The following PPFIA1 variants were observed in gnomAD, a reference collection of about 807,000 sequenced individuals.
PPFIA1 encodes the protein PPFI scaffold protein A1.
PPFIA1 carries 25 observed loss-of-function variants against 149.9 expected under a neutral mutation model. The observed-to-expected ratio is 0.17, with a 90% CI of 0.12 to 0.23. The LOEUF is 0.23. PPFIA1 is among the 10% of genes least tolerant of loss of function. The probability of loss-of-function intolerance (pLI) is 1.00; values close to 1 mark genes in which losing one functional copy is unlikely to be tolerated. For missense variants in PPFIA1, 1,362 were observed against 1,506.5 expected, an observed-to-expected ratio of 0.90 and a Z score of 1.59; for synonymous variants, 549 against 552.8, an observed-to-expected ratio of 0.99 and a Z score of 0.10.
At chr11:70,305,562 G>A (rs2052794207) in intron 2 of PPFIA1, among the ~76,000 whole-genome samples, 1 of 152,052 alleles carries the variant, frequency 6.6e-6, no homozygotes, top group African/African-American at 2.4e-5. Context: ...GTAGAGATGG[G>A]TTTTCACCCT....
chr11:70,349,610 T>C (rs773035735), intron 16 of PPFIA1, among the ~76,000 whole-genome samples: 1 of 152,234 alleles, frequency 6.6e-6, no homozygotes, highest in African/African-American at 2.4e-5. Context: ...TTTTTAGTTG[T>C]GTTGTTAGCC....
intron 19 of PPFIA1, among the ~76,000 whole-genome samples, chr11:70,361,617 A>T (rs2056648480): frequency 7.1e-6 from 1 of 140,306 alleles, no homozygotes; most frequent in Non-Finnish European, 1.6e-5. Flanking sequence ...GCTGGTTGTA[A>T]TTTTTTTTTT....
chr11:70,338,874 C>T (rs1262480930), intron 13 of PPFIA1, among the ~76,000 whole-genome samples: 2 of 152,214 alleles, frequency 1.3e-5, no homozygotes, highest in Non-Finnish European at 2.9e-5. Flanking sequence ...AGCCAGACAC[C>T]TGGACCCAGA....
chr11:70,316,162 C>A (rs546964070), intron 2 of PPFIA1, among the ~76,000 whole-genome samples: 1 of 152,108 alleles, frequency 6.6e-6, no homozygotes, highest in African/African-American at 2.4e-5. Context: ...GCCTCTGCCT[C>A]CCAGGTTCAA....
rs768982208 is a variant in PPFIA1 at position 70,362,087 on chromosome 11, C to A, written c.2583-8C>A. ...ATTCTTTAATTTTCAATATCTTCTCCTTTATAGGCATGAATTGCTGGAGGA... is the reference window on the plus strand; with the variant it reads ...ATTCTTTAATTTTCAATATCTTCTCATTTATAGGCATGAATTGCTGGAGGA... On this transcript the variant is annotated splice_polypyrimidine_tract_variant and splice_region_variant and intron_variant, in intron 19 of 27. Transcript: ENST00000253925. The A allele has an allele frequency of 6.2e-7, 1 of 1,613,230 alleles. No individual in the cohort carries two copies. The highest frequency in any genetic ancestry group is 8.5e-7 in the Non-Finnish European group (1 of 1,179,426).
intron 16 of PPFIA1, among the ~76,000 whole-genome samples, 173 bp downstream of exon 16, chr11:70,348,593 T>C (rs987652097): frequency 6.6e-6 from 1 of 152,248 alleles, no homozygotes; most frequent in Non-Finnish European, 1.5e-5. Flanking sequence ...AATTTTAATA[T>C]CTGGGGCCGG....
rs1212938971 is a variant in PPFIA1 at position 70,327,047 on chromosome 11, A to G, written c.930+229A>G. On this transcript the variant is annotated intron_variant, in intron 7 of 27. Coordinates refer to ENST00000253925, the MANE Select transcript of PPFIA1 (RefSeq NM_003626.5). Reference sequence around the variant, plus strand: ...CCTGAGCTCTTCAAAGTAGAGAACTAGTCCCACTGACTGACATGGCCATGA... The same window carrying G: ...CCTGAGCTCTTCAAAGTAGAGAACTGGTCCCACTGACTGACATGGCCATGA... 13 of 488,086 alleles carry G rather than the reference A, an allele frequency of 2.7e-5. No homozygotes were observed. The East Asian group carries it at 4.9e-4, about 18-fold the overall frequency. The allele number at this position is 488,086 out of a possible 1,614,324, so 30.2% of individuals were successfully genotyped here.
In PPFIA1 at chr11:70,326,338, A is replaced by G; in HGVS notation, c.683A>G (p.Glu228Gly). ...DGVLDINHEQ[E>G]NTPSTSGKRS... ...GTGCTGGACATAAACCATGAACAAG[A>G]AAATACACCAAGCACGAGTGGAAAG... The change falls in exon 6 of 28, where the codon GAA (glutamate) becomes GGA (glycine). Residue 228 changes from glutamate (E) to glycine (G), a missense_variant. Around this residue, in one of 7 missense-constraint regions of PPFIA1, gnomAD observed 733 missense variants for 744.1 expected, o/e 0.99. Transcript: ENST00000253925. The G allele has an allele frequency of 6.2e-7, 1 of 1,605,538 alleles. No homozygotes were observed. The highest frequency in any genetic ancestry group is 8.5e-7 in the Non-Finnish European group (1 of 1,173,360).
intron 2 of PPFIA1, among the ~76,000 whole-genome samples, chr11:70,309,278 T>C (rs1255097655): frequency 6.6e-6 from 1 of 152,154 alleles, no homozygotes; most frequent in Non-Finnish European, 1.5e-5. Flanking sequence ...CAAGCGATTC[T>C]CCTGCCTCAG....
chr11:70,286,984 TACACACAC>T (rs57213147), intron 2 of PPFIA1, among the ~76,000 whole-genome samples: 14 of 148,024 alleles, frequency 9.5e-5, no homozygotes, highest in East Asian at 5.9e-4. Context: ...TATATGCACA[TACACACAC>T]ACACACACAC....
In PPFIA1 at chr11:70,355,799, G is replaced by A. The variant is rs1399093824; in HGVS notation, c.2476G>A (p.Ala826Thr). The A allele has an allele frequency of 5.0e-6, 8 of 1,611,158 alleles. No individual in the cohort carries two copies. Among genetic ancestry groups the A allele is most frequent in the Non-Finnish European group, 2.5e-6 (3 of 1,179,130 alleles). Reference protein sequence around the residue: ...KGRPGQTGKEALGQAGVSETD... With the variant: ...KGRPGQTGKETLGQAGVSETD... ...CCGACCTGGACAAACTGGCAAAGAA[G>A]CATTAGGACAAGGTTGGTTGGTTTT... The change falls in exon 18 of 28, where the codon GCA (alanine) becomes ACA (threonine). Residue 826 changes from alanine (A) to threonine (T), a missense_variant. Physicochemically the swap from Ala to Thr is moderately conservative, Grantham distance 58. Around this residue, in one of 7 missense-constraint regions of PPFIA1, gnomAD observed 91 missense variants for 91.2 expected, o/e 1.00. Transcript: ENST00000253925.
At chr11:70,326,858 T>C (rs1052918490) in intron 7 of PPFIA1, 40 bp downstream of exon 7, 1 of 1,540,576 alleles carries the variant, frequency 6.5e-7, no homozygotes, top group East Asian at 2.3e-5. Context: ...CATGAAGTTG[T>C]ATGTTTGGGA....
intron 2 of PPFIA1, among the ~76,000 whole-genome samples, chr11:70,280,572 G>C (rs2050695903): frequency 6.6e-6 from 1 of 152,004 alleles, no homozygotes; most frequent in South Asian, 2.1e-4. Flanking sequence ...TCCGTCTCGG[G>C]GAAAAAGAAA....
chr11:70,319,212 T>C (rs1317221533), intron 2 of PPFIA1, among the ~76,000 whole-genome samples: 1 of 152,236 alleles, frequency 6.6e-6, no homozygotes, highest in Non-Finnish European at 1.5e-5. Context: ...CTGCGATCTT[T>C]GACCTGTCAG....
chr11:70,384,129 A>G lies in PPFIA1; in HGVS notation c.*1139A>G, dbSNP rs537816329. On this transcript the variant is annotated 3_prime_UTR_variant, in exon 28 of 28. Transcript: ENST00000253925. The stretch of plus-strand genomic sequence containing the variant: ...ATGTGGCTTTTACTTTTTAAATGGC[A>G]TATTAACAAGCCAGCAAAGTGTGTC... The G allele has an allele frequency of 2.0e-5, 3 of 152,366 alleles. No homozygotes were observed. Among genetic ancestry groups the G allele is most frequent in the South Asian group, 2.1e-4 (1 of 4,830 alleles). 9.4% of individuals were successfully genotyped at this position (152,366 alleles called of 1,614,324 possible).
intron 2 of PPFIA1, among the ~76,000 whole-genome samples, chr11:70,275,843 A>G (rs912886031): frequency 2.0e-5 from 3 of 152,068 alleles, no homozygotes; most frequent in African/African-American, 7.2e-5. Flanking sequence ...AGAAAAGGGT[A>G]CTCACTCGGT....
chr11:70,367,190 G>C (rs2056985816), intron 21 of PPFIA1, among the ~76,000 whole-genome samples: 1 of 152,214 alleles, frequency 6.6e-6, no homozygotes, highest in African/African-American at 2.4e-5. Context: ...CTGTGGTGAT[G>C]ACTCCAGAAC....
intron 19 of PPFIA1, among the ~76,000 whole-genome samples, chr11:70,358,924 C>A (rs1002802425): frequency 2.0e-5 from 3 of 152,216 alleles, no homozygotes; most frequent in Admixed American, 1.3e-4. Context: ...GAAACACCAT[C>A]TCTTGAAGTA....
chr11:70,307,278 A>G (rs1565372858), intron 2 of PPFIA1, among the ~76,000 whole-genome samples: 3 of 152,222 alleles, frequency 2.0e-5, no homozygotes, highest in African/African-American at 2.4e-5. Context: ...ATTCATTGCC[A>G]TATTATTTGT....
Sources: allele counts gnomAD v4.1 joint callset (sites outside exome capture counted in the v4.1 genomes callset), GRCh38; gene constraint gnomAD v4.1.1; regional missense constraint gnomAD v4.1.1; transcripts MANE v1.5; gene names NCBI Gene and HGNC (gene_info 2026-07-23, HGNC 2026-07-21).